Variants in FCRL5 observed in about 807,000 individuals in gnomAD.
FCRL5 encodes Fc receptor-like protein 5.
Under a neutral mutation model 92.1 loss-of-function variants are expected in FCRL5, and 79 were observed. That is an observed-to-expected ratio of 0.86 (90% CI 0.72 to 1.03). The LOEUF (loss-of-function observed/expected upper bound fraction) is 1.03. FCRL5 is among the 50% of genes least tolerant of loss of function. The pLI is 0.00. For synonymous variants in FCRL5, 466 were observed against 469.3 expected (o/e 0.99, Z 0.09); for missense variants, 1,160 against 1,181.1 (o/e 0.98, Z 0.26).
chr1:157,526,997 G>A (rs1270866064), intron 9 of FCRL5, among the ~76,000 whole-genome samples: 1 of 152,170 alleles, frequency 6.6e-6, no homozygotes, highest in Admixed American at 6.5e-5. Flanking sequence ...TATGGAGTAT[G>A]GAGAAAGACT....
chr1:157,549,199 A>C (rs1651695444), intron 2 of FCRL5, among the ~76,000 whole-genome samples: 1 of 148,378 alleles, frequency 6.7e-6, no homozygotes, highest in East Asian at 2.0e-4. Context: ...AAAACCAAAC[A>C]CCGCATGTTC....
At chr1:157,522,126 A>T (rs1020756923) in intron 10 of FCRL5, 1 of 152,224 alleles carries the variant, frequency 6.6e-6, no homozygotes, top group Non-Finnish European at 1.5e-5. Flanking sequence ...TTAGGTTTGT[A>T]GATTATTTCT....
rs199712880 is a variant in FCRL5 at position 157,546,068 on chromosome 1, ATATT to A, written c.307+871_307+874del. ...TCTTCCTTTATCTTTCTTTCTCTGT[ATATT>A]TATCTACCTATGCATTATCTACCCA... On this transcript the variant is annotated intron_variant, in intron 3 of 16. Transcript: ENST00000361835. The A allele has an allele frequency of 6.1e-3, 1,289 of 211,094 alleles. 18 individuals carry two copies. Among genetic ancestry groups the A allele is most frequent in the African/African-American group, 0.028 (1,227 of 43,262 alleles). 13.1% of individuals were successfully genotyped at this position (211,094 alleles called of 1,614,324 possible). A position where few individuals can be genotyped will look rare whatever the true frequency, so the allele number is the denominator to read the frequency against.
Position 157,515,609 on chromosome 1 carries a change from T to C in FCRL5, c.*66A>G, listed in dbSNP as rs771306536. Reference sequence around the variant, plus strand: ...AGCCTAAATCTTCCCACTTCAATGCTGCTTCTCCCCCAAGGGGAACTTTGG... The same window carrying C: ...AGCCTAAATCTTCCCACTTCAATGCCGCTTCTCCCCCAAGGGGAACTTTGG... On this transcript the variant is annotated 3_prime_UTR_variant, in exon 17 of 17. Transcript: ENST00000361835. 2.5e-6 allele frequency: 4 copies of C among 1,613,728 alleles called. No individual in the cohort carries two copies. Among genetic ancestry groups the C allele is most frequent in the Non-Finnish European group, 3.4e-6 (4 of 1,180,016 alleles).
intron 8 of FCRL5, 71 bp downstream of exon 8, chr1:157,534,543 C>G: frequency 6.3e-7 from 1 of 1,586,348 alleles, no homozygotes; most frequent in Non-Finnish European, 8.7e-7. Context: ...ACAGTGCAAA[C>G]AGATTTTTAA....
chr1:157,528,050 T>G, intron 8 of FCRL5, 155 bp from the exon 9 acceptor site: 1 of 839,144 alleles, frequency 1.2e-6, no homozygotes, highest in Non-Finnish European at 1.7e-6. Context: ...GATGACATGA[T>G]TGTATACCTA....
chr1:157,521,276 C>T lies in FCRL5; in HGVS notation c.2256G>A (p.Pro752=), dbSNP rs74858059. 1.9e-6 allele frequency: 3 copies of T among 1,609,078 alleles called. No homozygotes were observed. The highest frequency in any genetic ancestry group is 2.7e-5 in the African/African-American group (2 of 74,712). Residue 752 remains proline, a synonymous_variant, in exon 11 of 17, where the codon CCG becomes CCA. Coordinates refer to ENST00000361835, the MANE Select transcript of FCRL5 (RefSeq NM_031281.3). ...TLKVAVPVSR[P]VLTLRAPGTH... Reference sequence around the variant, plus strand: ...TCCCGGGAGCCCTGAGGGTGAGGACCGGGCGAGACACCGGAACTGAAAGAG... The same window carrying T: ...TCCCGGGAGCCCTGAGGGTGAGGACTGGGCGAGACACCGGAACTGAAAGAG...
At chr1:157,526,966 A>G (rs1216766234) in intron 9 of FCRL5, among the ~76,000 whole-genome samples, 1 of 152,146 alleles carries the variant, frequency 6.6e-6, no homozygotes, top group Non-Finnish European at 1.5e-5. Context: ...TGACCATGAG[A>G]GTCATGAAAT....
chr1:157,515,828 A>G lies in FCRL5; in HGVS notation c.2844+14T>C. The G allele has an allele frequency of 6.2e-7, 1 of 1,614,098 alleles. No individual in the cohort carries two copies. The highest frequency in any genetic ancestry group is 8.5e-7 in the Non-Finnish European group (1 of 1,180,008). On this transcript the variant is annotated intron_variant, in intron 16 of 16. Coordinates refer to ENST00000361835, the MANE Select transcript of FCRL5 (RefSeq NM_031281.3). ...CCTGGGGGTGGGGGAGGGCATGCAGAAGGGGAGACTCACCTTGTTCCTGAG... is the reference window on the plus strand; with the variant it reads ...CCTGGGGGTGGGGGAGGGCATGCAGGAGGGGAGACTCACCTTGTTCCTGAG...
At chr1:157,527,327 T>A (rs1650476792) in intron 9 of FCRL5, among the ~76,000 whole-genome samples, 1 of 152,240 alleles carries the variant, frequency 6.6e-6, no homozygotes, top group Non-Finnish European at 1.5e-5. Context: ...TTACTATCAC[T>A]GTTGGCCAGA....
At chr1:157,519,991 T>C (rs1417317841) in intron 12 of FCRL5, among the ~76,000 whole-genome samples, 1 of 152,180 alleles carries the variant, frequency 6.6e-6, no homozygotes, top group Non-Finnish European at 1.5e-5. Context: ...CCGTAATCCT[T>C]TAACCTGGAG....
chr1:157,537,096 G>A (rs1651002601), intron 7 of FCRL5, among the ~76,000 whole-genome samples: 1 of 152,086 alleles, frequency 6.6e-6, no homozygotes. Context: ...TGAAATCTGG[G>A]CACCTTGAAA....
chr1:157,548,448 C>G (rs1651656967), intron 2 of FCRL5, among the ~76,000 whole-genome samples: 1 of 152,180 alleles, frequency 6.6e-6, no homozygotes, highest in Non-Finnish European at 1.5e-5. Context: ...TCTAATTAAA[C>G]TAAAGAACTT....
intron 10 of FCRL5, 77 bp downstream of exon 10, chr1:157,524,202 T>C (rs1355337321): frequency 1.3e-6 from 2 of 1,517,410 alleles, no homozygotes; most frequent in Non-Finnish European, 1.8e-6. Context: ...AGGAGCTCTG[T>C]GGCTCCATTT....
At chr1:157,524,807 CA>C (rs1451742096) in intron 9 of FCRL5, among the ~76,000 whole-genome samples, 3 of 152,114 alleles carry the variant, frequency 2.0e-5, no homozygotes, top group South Asian at 2.1e-4. Context: ...AACTGAAACT[CA>C]GGTGTCTTAG....
At chr1:157,536,144 G>A (rs1228720343) in intron 7 of FCRL5, among the ~76,000 whole-genome samples, 1 of 151,906 alleles carries the variant, frequency 6.6e-6, no homozygotes, top group Non-Finnish European at 1.5e-5. Context: ...ATTTCACTAT[G>A]TTGGCCAGGC....
rs1650499355 is a variant in FCRL5, at chr1:157,527,754, C to T, written c.1823G>A (p.Gly608Glu). ...TCCTCCAGAGGGGGCTGAGCTGCTC[C>T]CCAGGGTGACATCCTCATGATAAAA... Reference protein sequence around the residue: ...YWFYHEDVTLGSSSAPSGGEA... With the variant: ...YWFYHEDVTLESSSAPSGGEA... The change falls in exon 9 of 17, where the codon GGG becomes GAG. Residue 608 changes from glycine to glutamate, a missense_variant. By Grantham distance (98) the Gly-to-Glu change is moderately conservative. Transcript: ENST00000361835. 2 of 1,614,088 alleles carry T rather than the reference C, an allele frequency of 1.2e-6. No individual in the cohort carries two copies. Among genetic ancestry groups the T allele is most frequent in the Non-Finnish European group, 1.7e-6 (2 of 1,180,014 alleles).
At chr1:157,545,821 C>A (rs1420721482) in intron 3 of FCRL5, among the ~76,000 whole-genome samples, 2 of 152,190 alleles carry the variant, frequency 1.3e-5, no homozygotes, top group African/African-American at 4.8e-5. Context: ...AGCCACCGCG[C>A]CTGGCCAGGT....
rs1651413952 is a variant in FCRL5 at position 157,544,269 on chromosome 1, C to G, written c.837G>C (p.Gln279His). ...VISDSPRSWI[Q>H]VQIPASHPVL... is the part of the protein sequence containing the mutation. ...GGTTCCACCAACACTTACTCTGCAC[C>G]TGTATCCAGGATCTCGGGCTGTCAG... The change falls in exon 5 of 17, where the codon CAG (glutamine) becomes CAC (histidine). Residue 279 changes from glutamine (Q) to histidine (H), a missense_variant. Transcript: ENST00000361835. The G allele has an allele frequency of 1.2e-6, 2 of 1,613,966 alleles. No homozygotes were observed. Among genetic ancestry groups the G allele is most frequent in the African/African-American group, 1.3e-5 (1 of 74,936 alleles).
Sources: allele counts gnomAD v4.1 joint callset (sites outside exome capture counted in the v4.1 genomes callset), GRCh38; gene constraint gnomAD v4.1.1; transcripts MANE v1.5; gene names NCBI Gene and HGNC (gene_info 2026-07-23, HGNC 2026-07-21).